FHIT: variants seen among roughly 807,000 people sequenced by gnomAD.
FHIT encodes the protein fragile histidine triad diadenosine triphosphatase, also known as bis(5'-adenosyl)-triphosphatase.
In FHIT, 19 loss-of-function variants were observed where a neutral mutation model predicts 17.9. The observed-to-expected ratio is 1.06, with a 90% CI of 0.74 to 1.56. The LOEUF (loss-of-function observed/expected upper bound fraction) is 1.56. Among genes scored for constraint, FHIT ranks in the 40% most tolerant of loss-of-function variants. The pLI, the probability that FHIT is intolerant of heterozygous loss-of-function variation, is 0.00. For synonymous variants in FHIT, 81 were observed against 69.7 expected (o/e 1.16, Z -0.81); for missense variants, 248 against 189.2 (o/e 1.31, Z -1.82).
chr3:59,922,513 T>C, intron 7 of FHIT, 99 bp from the exon 8 acceptor site: 4 of 967,276 alleles, frequency 4.1e-6, no homozygotes, highest in South Asian at 1.4e-5. Flanking sequence ...TCCACGATGG[T>C]TCCTGCTGGG....
At chr3:61,091,276 T>C (rs1203487758) in intron 2 of FHIT, among the ~76,000 whole-genome samples, 1 of 152,178 alleles carries the variant, frequency 6.6e-6, no homozygotes, top group Non-Finnish European at 1.5e-5. Context: ...TACATGCCAA[T>C]CAGTGAAGCA....
At chr3:61,083,553 G>A (rs1390486278) in intron 2 of FHIT, among the ~76,000 whole-genome samples, 3 of 152,188 alleles carry the variant, frequency 2.0e-5, no homozygotes, top group African/African-American at 7.2e-5. Flanking sequence ...TCGCGCCACT[G>A]CACTCCAGCC....
chr3:59,988,961 G>C (rs750188963), intron 7 of FHIT, among the ~76,000 whole-genome samples: 2 of 152,080 alleles, frequency 1.3e-5, no homozygotes, highest in Non-Finnish European at 2.9e-5. Flanking sequence ...TCAGCTCAAT[G>C]AATACAAATG....
In FHIT at chr3:59,748,050, AGCCTC is replaced by A. The variant is rs915153842; in HGVS notation, c.*1530_*1534del. On this transcript the variant is annotated 3_prime_UTR_variant, in exon 10 of 10. Coordinates refer to ENST00000492590, the MANE Select transcript of FHIT (RefSeq NM_002012.4). ...ATTAAATGCCCCTCTAATGGTGGCT[AGCCTC>A]ACTTTTTAACACAGAGACTGAATCT... Among the ~76,000 whole-genome samples, 1 of 152,152 alleles carries A rather than the reference AGCCTC, an allele frequency of 6.6e-6. No homozygotes were observed. The highest frequency in any genetic ancestry group is 2.4e-5 in the African/African-American group (1 of 41,452).
intron 5 of FHIT, among the ~76,000 whole-genome samples, chr3:60,283,764 G>A (rs537008669): frequency 9.9e-5 from 15 of 152,188 alleles, no homozygotes; most frequent in South Asian, 2.1e-4. Context: ...GTGTAAAAAT[G>A]TATGCAATTG....
chr3:61,061,320 G>A (rs2034421193), intron 2 of FHIT, among the ~76,000 whole-genome samples: 1 of 151,996 alleles, frequency 6.6e-6, no homozygotes, highest in Non-Finnish European at 1.5e-5. Context: ...TTGTGCCTTG[G>A]TTACAGGTAA....
intron 8 of FHIT, among the ~76,000 whole-genome samples, chr3:59,902,482 T>C (rs566945003): frequency 4.1e-4 from 63 of 151,992 alleles, no homozygotes; most frequent in Non-Finnish European, 7.4e-4. Flanking sequence ...CCAAAAGAGA[T>C]ATCTCCACTC....
chr3:60,182,030 G>A (rs768160696), intron 5 of FHIT, among the ~76,000 whole-genome samples: 1 of 152,292 alleles, frequency 6.6e-6, no homozygotes, highest in Admixed American at 6.5e-5. Context: ...GTAAGAGGCA[G>A]GTTATGCAGA....
intron 8 of FHIT, among the ~76,000 whole-genome samples, chr3:59,779,508 T>A (rs1702475125): frequency 1.3e-5 from 2 of 152,322 alleles, no homozygotes; most frequent in South Asian, 4.1e-4. Flanking sequence ...TTAACATAAA[T>A]AAGGCTTTAG....
At position 60,604,806 on chromosome 3, in the gene FHIT, C is replaced by T. The variant is rs782665207; in HGVS notation, c.-17-67827G>A. On this transcript the variant is annotated intron_variant, in intron 4 of 9. Coordinates refer to ENST00000492590, the MANE Select transcript of FHIT (RefSeq NM_002012.4). ...TCTTGGATCTCTTCAGAATAGTGGG[C>T]AAACTGAGAGAAAGCAAGTTCATTT... is the stretch of plus-strand genomic sequence containing the variant. Among the ~76,000 whole-genome samples the T allele has an allele frequency of 3.7e-4, 57 of 152,134 alleles. 1 individual carries two copies. Among genetic ancestry groups the T allele is most frequent in the Non-Finnish European group, 7.2e-4 (49 of 68,026 alleles).
intron 4 of FHIT, among the ~76,000 whole-genome samples, chr3:60,736,484 C>T (rs1469861641): frequency 1.3e-5 from 2 of 152,182 alleles, no homozygotes; most frequent in African/African-American, 4.8e-5. Context: ...AGTTCTGTTA[C>T]ATCTCACAAC....
Position 59,958,620 on chromosome 3 carries a change from G to C in FHIT, c.280-36206C>G, listed in dbSNP as rs552770851. Among the ~76,000 whole-genome samples the C allele has an allele frequency of 5.0e-4, 76 of 152,324 alleles. 1 individual carries two copies. The highest frequency in any genetic ancestry group is 3.4e-3 in the Middle Eastern group (1 of 294). The stretch of plus-strand genomic sequence containing the variant: ...ATTAGCTGCAGCTACCTAGAGGGTT[G>C]TATTAAGAAGCCCAAGGTCGACAGT... On this transcript the variant is annotated intron_variant, in intron 7 of 9. Coordinates refer to ENST00000492590, the MANE Select transcript of FHIT (RefSeq NM_002012.4).
chr3:60,965,884 T>C (rs1240337971), intron 3 of FHIT, among the ~76,000 whole-genome samples: 1 of 152,206 alleles, frequency 6.6e-6, no homozygotes, highest in Non-Finnish European at 1.5e-5. Context: ...TACTTGGGTC[T>C]CAGGGACCCA....
chr3:60,371,166 G>A (rs937430942), intron 5 of FHIT, among the ~76,000 whole-genome samples: 2 of 152,164 alleles, frequency 1.3e-5, no homozygotes, highest in African/African-American at 2.4e-5. Flanking sequence ...TATTTGAAAT[G>A]ATCCATTTGT....
intron 4 of FHIT, among the ~76,000 whole-genome samples, chr3:60,554,311 C>T (rs115200144): frequency 0.016 from 2,418 of 150,808 alleles, 32 homozygotes; most frequent in Non-Finnish European, 0.023. Flanking sequence ...ATAGCAGAGA[C>T]GAACTTACAT....
In FHIT at chr3:59,993,575, A is replaced by G. The variant is rs141237431; in HGVS notation, c.279+17796T>C. Among the ~76,000 whole-genome samples the G allele has an allele frequency of 4.9e-4, 74 of 152,102 alleles. 1 individual carries two copies. Among genetic ancestry groups the G allele is most frequent in the Non-Finnish European group, 8.7e-4 (59 of 67,954 alleles). ...ACCTGAGAGAAGGTGTCTTCTCTCA[A>G]ATGAAGACTTCCAGATCCTGTTCTC... On this transcript the variant is annotated intron_variant, in intron 7 of 9. Coordinates refer to ENST00000492590, the MANE Select transcript of FHIT (RefSeq NM_002012.4).
At chr3:60,900,247 A>G (rs1553762868) in intron 3 of FHIT, among the ~76,000 whole-genome samples, 1 of 152,152 alleles carries the variant, frequency 6.6e-6, no homozygotes, top group Non-Finnish European at 1.5e-5. Context: ...AATGAGGTAC[A>G]AAATTTAAGT....
chr3:59,929,363 G>GTT (rs869243844), intron 7 of FHIT, among the ~76,000 whole-genome samples: 7,178 of 67,190 alleles, frequency 0.11, 544 homozygotes, highest in East Asian at 0.31. Context: ...TGTTTTTTTG[G>GTT]TTTTTTTTTT....
At chr3:60,259,408 G>T (rs1706182733) in intron 5 of FHIT, among the ~76,000 whole-genome samples, 1 of 152,102 alleles carries the variant, frequency 6.6e-6, no homozygotes, top group African/African-American at 2.4e-5. Flanking sequence ...CAGATAAGAT[G>T]AAAAGGAAGA....
Sources: allele counts gnomAD v4.1 joint callset (sites outside exome capture counted in the v4.1 genomes callset), GRCh38; gene constraint gnomAD v4.1.1; transcripts MANE v1.5; gene names NCBI Gene and HGNC (gene_info 2026-07-23, HGNC 2026-07-21).